The following ZC3H8 variants were observed in gnomAD, a reference collection of about 807,000 sequenced individuals.
The protein encoded by ZC3H8 is zinc finger CCCH domain-containing protein 8.
Under a neutral mutation model 42.5 loss-of-function variants are expected in ZC3H8, and 27 were observed. The observed-to-expected ratio is 0.64, with a 90% CI of 0.47 to 0.88. The LOEUF is 0.88. Ranked by LOEUF, ZC3H8 falls within the 40% of genes least tolerant of loss-of-function variation. ZC3H8 has a pLI of 0.00. For synonymous variants in ZC3H8, 101 were observed against 110.1 expected, an observed-to-expected ratio of 0.92 and a Z score of 0.52; for missense variants, 277 against 336.1, an observed-to-expected ratio of 0.82 and a Z score of 1.37.
intron 4 of ZC3H8, among the ~76,000 whole-genome samples, chr2:112,234,448 G>A (rs1295504692): frequency 6.6e-6 from 1 of 152,142 alleles, no homozygotes; most frequent in Non-Finnish European, 1.5e-5. Flanking sequence ...ATTAATGTTT[G>A]TATTGATTTG....
At chr2:112,227,715 T>C (rs1684905591) in intron 8 of ZC3H8, among the ~76,000 whole-genome samples, 1 of 152,152 alleles carries the variant, frequency 6.6e-6, no homozygotes, top group Admixed American at 6.5e-5. Context: ...TAAATTACAA[T>C]TCCATTCAAT....
intron 4 of ZC3H8, among the ~76,000 whole-genome samples, chr2:112,235,259 G>C (rs2104656981): frequency 6.6e-6 from 1 of 152,252 alleles, no homozygotes; most frequent in South Asian, 2.1e-4. Context: ...TCAAATTTAT[G>C]TCTTATAAAT....
intron 2 of ZC3H8, chr2:112,249,963 T>C (rs1685891151): frequency 2.9e-6 from 1 of 345,970 alleles, no homozygotes; most frequent in East Asian, 4.8e-5. Flanking sequence ...ACATATGTCA[T>C]GTTAAATGAC....
At chr2:112,224,623 T>C (rs925666838) in intron 8 of ZC3H8, among the ~76,000 whole-genome samples, 5 of 152,118 alleles carry the variant, frequency 3.3e-5, no homozygotes, top group Admixed American at 6.5e-5. Flanking sequence ...AGTATATCCA[T>C]ACAAAAGAAC....
chr2:112,216,964 T>C (rs1217011999), intron 8 of ZC3H8, among the ~76,000 whole-genome samples: 1 of 152,152 alleles, frequency 6.6e-6, no homozygotes, highest in Non-Finnish European at 1.5e-5. Context: ...TCAACAAATG[T>C]GAATGGTCTT....
intron 6 of ZC3H8, among the ~76,000 whole-genome samples, chr2:112,232,605 C>T (rs966958469): frequency 6.6e-6 from 1 of 152,036 alleles, no homozygotes; most frequent in Admixed American, 6.5e-5. Context: ...AAGTCAACAA[C>T]GACATATCTT....
chr2:112,234,092 G>A, intron 5 of ZC3H8, 28 bp downstream of exon 5: 1 of 1,285,918 alleles, frequency 7.8e-7, no homozygotes, highest in Non-Finnish European at 1.1e-6. Flanking sequence ...TTACATTTTA[G>A]TAGATTTTTG....
At position 112,250,191 on chromosome 2, in the gene ZC3H8, T is replaced by A; in HGVS notation, c.156A>T (p.Lys52Asn). Reference protein sequence around the residue: ...IKLECEQIPKKFRHSAISPKS... With the variant: ...IKLECEQIPKNFRHSAISPKS... Reference sequence around the variant, plus strand: ...TAAACAGTGGTCAACTTAATCTTACTTTTTTGGGAATTTGCTCGCACTCCA... The same window carrying A: ...TAAACAGTGGTCAACTTAATCTTACATTTTTGGGAATTTGCTCGCACTCCA... The change falls in exon 2 of 9, where the codon AAA becomes AAT. Residue 52 changes from lysine to asparagine, a missense_variant and splice_region_variant. Transcript: ENST00000409573. 6.4e-7 allele frequency: 1 copy of A among 1,563,814 alleles called. No individual in the cohort carries two copies.
intron 8 of ZC3H8, among the ~76,000 whole-genome samples, chr2:112,217,233 T>C (rs1684365945): frequency 6.6e-6 from 1 of 151,990 alleles, no homozygotes; most frequent in Non-Finnish European, 1.5e-5. Context: ...TAGCCAGACA[T>C]GGTGGCACAT....
chr2:112,247,628 T>G (rs1685805665), intron 2 of ZC3H8, among the ~76,000 whole-genome samples: 1 of 152,192 alleles, frequency 6.6e-6, no homozygotes, highest in African/African-American at 2.4e-5. Flanking sequence ...TATTTGATAA[T>G]GTATTCACCT....
chr2:112,233,153 A>G, intron 6 of ZC3H8, 107 bp downstream of exon 6: 1 of 652,536 alleles, frequency 1.5e-6, no homozygotes, highest in Non-Finnish European at 2.5e-6. Context: ...GGGCTTGGAT[A>G]ATATCATTTT....
At chr2:112,227,350 C>T (rs893855671) in intron 8 of ZC3H8, among the ~76,000 whole-genome samples, 2 of 152,136 alleles carry the variant, frequency 1.3e-5, no homozygotes, top group Non-Finnish European at 2.9e-5. Flanking sequence ...CATGGTGAAA[C>T]CCCATCTCTA....
chr2:112,250,577 T>C (rs1429700650), intron 1 of ZC3H8, among the ~76,000 whole-genome samples: 2 of 152,226 alleles, frequency 1.3e-5, no homozygotes, highest in Admixed American at 1.3e-4. Context: ...GTACCCACCA[T>C]GTACGAGGCT....
intron 2 of ZC3H8, 26 bp downstream of exon 2, chr2:112,250,165 T>C (rs1685897986): frequency 1.3e-6 from 2 of 1,523,960 alleles, no homozygotes; most frequent in Non-Finnish European, 1.8e-6. Flanking sequence ...CGTTTTCAAC[T>C]TAAACAGTGG....
chr2:112,234,240 T>TA lies in ZC3H8; in HGVS notation c.505-5dup, dbSNP rs929591905. The TA allele has an allele frequency of 6.3e-7, 1 of 1,577,834 alleles. No individual in the cohort carries two copies. The highest frequency in any genetic ancestry group is 1.4e-5 in the African/African-American group (1 of 73,292). The stretch of plus-strand genomic sequence containing the variant: ...GCTTCTCTTTAGGTTTACCATCCTT[T>TA]AAAAACAAAAACAAAAAAACTAAAT... On this transcript the variant is annotated splice_polypyrimidine_tract_variant and splice_region_variant and intron_variant, in intron 4 of 8. Coordinates refer to ENST00000409573, the MANE Select transcript of ZC3H8 (RefSeq NM_032494.3).
rs1005879275 is a variant in ZC3H8 at position 112,254,929 on chromosome 2, G to A, written c.53C>T (p.Thr18Met). ...SKPPNPALGK[T>M]ATDSDERIDD... ...TCACCTTTCGTCAGAGTCCGTGGCC[G>A]TTTTGCCGAGGGCCGGGTTGGGGGG... The change falls in exon 1 of 9, where the codon ACG becomes ATG. Residue 18 changes from threonine (T) to methionine (M), a missense_variant. Thr to Met is a moderately conservative substitution (Grantham distance 81). Transcript: ENST00000409573. The A allele has an allele frequency of 1.9e-6, 3 of 1,613,358 alleles. No homozygotes were observed. The highest frequency in any genetic ancestry group is 2.5e-6 in the Non-Finnish European group (3 of 1,179,654).
chr2:112,245,239 C>T (rs1685714553), intron 2 of ZC3H8, among the ~76,000 whole-genome samples: 1 of 152,218 alleles, frequency 6.6e-6, no homozygotes, highest in South Asian at 2.1e-4. Context: ...CAGGGCAAGG[C>T]CCTAACTCTC....
At chr2:112,234,366 A>G in intron 4 of ZC3H8, 130 bp from the exon 5 acceptor site, 1 of 645,072 alleles carries the variant, frequency 1.6e-6, no homozygotes, top group Non-Finnish European at 2.6e-6. Flanking sequence ...CTTCATATGT[A>G]AAATTTGGAT....
In ZC3H8 at chr2:112,239,095, T is replaced by C. The variant is rs191106619; in HGVS notation, c.157-567A>G. The stretch of plus-strand genomic sequence containing the variant: ...AGGAATAAAGAACTACCCTATTCTC[T>C]GTAATCAAGTTAACTTTACTTGCAG... On this transcript the variant is annotated intron_variant, in intron 2 of 8. Transcript: ENST00000409573. Among the ~76,000 whole-genome samples the C allele has an allele frequency of 1.6e-3, 237 of 152,356 alleles. 2 individuals are homozygous for C. Among genetic ancestry groups the C allele is most frequent in the African/African-American group, 5.6e-3 (231 of 41,582 alleles).
Sources: gnomAD v4.1 joint callset for allele counts (sites outside exome capture counted in the v4.1 genomes callset) on GRCh38, gnomAD v4.1.1 for gene constraint, MANE v1.5 for transcripts, NCBI Gene and HGNC (gene_info 2026-07-23, HGNC 2026-07-21) for gene names.